IL1RAPL2: variants seen among roughly 807,000 people sequenced by gnomAD.
The protein encoded by IL1RAPL2 is interleukin 1 receptor accessory protein like 2, also known as X-linked interleukin-1 receptor accessory protein-like 2.
IL1RAPL2 carries 3 observed loss-of-function variants against 44.1 expected under a neutral mutation model. The observed-to-expected ratio is 0.07, with a 90% CI of 0.03 to 0.18. IL1RAPL2 has a LOEUF of 0.18. Ranked by LOEUF, IL1RAPL2 falls within the 10% of genes least tolerant of loss-of-function variation. The pLI is 1.00. For missense variants in IL1RAPL2, 391 were observed against 496.4 expected, an observed-to-expected ratio of 0.79 and a Z score of 2.02; for synonymous variants, 181 against 178.8, an observed-to-expected ratio of 1.01 and a Z score of -0.10.
intron 6 of IL1RAPL2, among the ~76,000 whole-genome samples, chrX:105,601,779 C>A (rs2037253742): frequency 9.0e-6 from 1 of 110,906 alleles, no homozygotes; most frequent in Non-Finnish European, 1.9e-5. Context: ...CTTTAATAGC[C>A]CATGCATCAC....
chrX:105,671,833 A>AT lies in IL1RAPL2; in HGVS notation c.773-45525dup, dbSNP rs750826278. Reference sequence around the variant, plus strand: ...CACACAGGTCCTAGACTATCTATTCATTTTTTTTTCTAGTCTATTTTTTCT... The same window carrying AT: ...CACACAGGTCCTAGACTATCTATTCATTTTTTTTTTCTAGTCTATTTTTTCT... On this transcript the variant is annotated intron_variant, in intron 6 of 10. Coordinates refer to ENST00000372582, the MANE Select transcript of IL1RAPL2 (RefSeq NM_017416.2). Among the ~76,000 whole-genome samples the AT allele has an allele frequency of 7.9e-3, 860 of 108,844 alleles. 27 individuals carry two copies. The highest frequency in any genetic ancestry group is 0.074 in the Admixed American group (753 of 10,119). The allele number at this position is 108,844 out of a possible 115,157, so 94.5% of individuals were successfully genotyped here. A position where few individuals can be genotyped will look rare whatever the true frequency, so the allele number is the denominator to read the frequency against.
chrX:104,894,340 G>T (rs1057154976), intron 2 of IL1RAPL2, among the ~76,000 whole-genome samples: 3 of 111,690 alleles, frequency 2.7e-5, no homozygotes, highest in Non-Finnish European at 5.6e-5. Context: ...TGCCTTGCTA[G>T]GTTGGGGAAC....
At chrX:105,257,778 G>A (rs751255424) in intron 4 of IL1RAPL2, among the ~76,000 whole-genome samples, 3 of 111,806 alleles carry the variant, frequency 2.7e-5, no homozygotes, top group Non-Finnish European at 5.6e-5. Context: ...TTTTCCATTT[G>A]CTTGGTAGAT....
intron 2 of IL1RAPL2, among the ~76,000 whole-genome samples, chrX:105,106,502 C>T (rs1287231179): frequency 1.8e-5 from 2 of 110,248 alleles, no homozygotes; most frequent in African/African-American, 6.6e-5. Flanking sequence ...GGTCATTTTC[C>T]TTCTTGTCAA....
intron 6 of IL1RAPL2, among the ~76,000 whole-genome samples, chrX:105,682,568 A>G (rs1220932790): frequency 1.8e-5 from 2 of 112,278 alleles, no homozygotes; most frequent in Non-Finnish European, 3.8e-5. Context: ...AAAAATATAT[A>G]TCATGGACAG....
chrX:104,594,058 A>G (rs779613042), intron 1 of IL1RAPL2, among the ~76,000 whole-genome samples: 2 of 112,158 alleles, frequency 1.8e-5, no homozygotes, highest in Non-Finnish European at 3.8e-5. Context: ...CTTCCCCCCA[A>G]CAAATACTTA....
chrX:105,493,924 C>T (rs1054876036), intron 6 of IL1RAPL2, among the ~76,000 whole-genome samples: 5 of 111,684 alleles, frequency 4.5e-5, no homozygotes, highest in Non-Finnish European at 7.5e-5. Flanking sequence ...AATTTGTAAG[C>T]AGTACATATG....
intron 3 of IL1RAPL2, among the ~76,000 whole-genome samples, chrX:105,226,196 A>G (rs1220942902): frequency 2.7e-5 from 3 of 109,795 alleles, no homozygotes; most frequent in Non-Finnish European, 5.7e-5. Flanking sequence ...GTATTATCCT[A>G]TGGGAATTGA....
intron 5 of IL1RAPL2, among the ~76,000 whole-genome samples, chrX:105,425,929 C>T (rs762418004): frequency 1.0e-4 from 11 of 110,154 alleles, no homozygotes; most frequent in Non-Finnish European, 1.9e-4. Context: ...ATTAAAGGTG[C>T]CCCCTCTTCC....
rs782379343 is a variant in IL1RAPL2 at position 105,220,239 on chromosome X, T to G, written c.357-13579T>G. The G allele has an allele frequency of 1.7e-4, 209 of 1,210,085 alleles. No individual in the cohort carries two copies. The highest frequency in any genetic ancestry group is 2.1e-4 in the Non-Finnish European group (192 of 895,136). On this transcript the variant is annotated intron_variant, in intron 3 of 10. Coordinates refer to ENST00000372582, the MANE Select transcript of IL1RAPL2 (RefSeq NM_017416.2). ...CACTGGGCACCTCGCTGTCCTCCAG[T>G]ATGGCCCTCAGCTTGTCTTCCACCT...
intron 6 of IL1RAPL2, among the ~76,000 whole-genome samples, chrX:105,486,790 A>T (rs1160828350): frequency 1.8e-5 from 2 of 110,613 alleles, no homozygotes; most frequent in East Asian, 2.9e-4. Context: ...CAACATTTGC[A>T]TGATAAAATG....
chrX:104,619,134 G>A (rs1207953134), intron 1 of IL1RAPL2, among the ~76,000 whole-genome samples: 1 of 112,098 alleles, frequency 8.9e-6, no homozygotes, highest in East Asian at 2.8e-4. Flanking sequence ...AGTTCTGGCT[G>A]TGGATGTCCT....
At chrX:105,487,595 C>G (rs1030861049) in intron 6 of IL1RAPL2, among the ~76,000 whole-genome samples, 4 of 112,051 alleles carry the variant, frequency 3.6e-5, no homozygotes, top group Non-Finnish European at 7.5e-5. Flanking sequence ...AAAGCAAAAT[C>G]AGTCAAACCA....
chrX:104,598,325 G>C (rs760358889), intron 1 of IL1RAPL2, among the ~76,000 whole-genome samples: 2 of 111,656 alleles, frequency 1.8e-5, no homozygotes, highest in South Asian at 3.8e-4. Context: ...GGAAGTGTTT[G>C]TGCAGTCATT....
intron 6 of IL1RAPL2, among the ~76,000 whole-genome samples, chrX:105,700,103 G>C (rs1434070192): frequency 9.0e-6 from 1 of 111,290 alleles, no homozygotes; most frequent in Non-Finnish European, 1.9e-5. Flanking sequence ...AATAAGAAAG[G>C]GTAAATTCTC....
At chrX:104,955,556 A>G in intron 2 of IL1RAPL2, among the ~76,000 whole-genome samples, 1 of 107,395 alleles carries the variant, frequency 9.3e-6, no homozygotes, top group East Asian at 2.8e-4. Context: ...TATATATATT[A>G]TACTCATATA....
chrX:104,811,461 A>C (rs1303773811), intron 2 of IL1RAPL2, among the ~76,000 whole-genome samples: 1 of 111,158 alleles, frequency 9.0e-6, no homozygotes, highest in East Asian at 2.8e-4. Context: ...GGAAGGAGAA[A>C]AGTAATTGGT....
At chrX:104,597,216 C>T (rs1258345388) in intron 1 of IL1RAPL2, among the ~76,000 whole-genome samples, 1 of 109,182 alleles carries the variant, frequency 9.2e-6, no homozygotes, top group Non-Finnish European at 1.9e-5. Context: ...TGGCAGTGTG[C>T]ACCTGTAGTC....
chrX:105,374,936 A>C (rs1265627143), intron 5 of IL1RAPL2, among the ~76,000 whole-genome samples: 10 of 81,926 alleles, frequency 1.2e-4, no homozygotes, highest in African/African-American at 5.3e-4. Context: ...TGACAGCGAG[A>C]CTCCATCTCA....
Sources: gnomAD v4.1 joint callset for allele counts (sites outside exome capture counted in the v4.1 genomes callset) on GRCh38, gnomAD v4.1.1 for gene constraint, MANE v1.5 for transcripts, NCBI Gene and HGNC (gene_info 2026-07-23, HGNC 2026-07-21) for gene names.